Variants in GPC5 observed in about 807,000 individuals in gnomAD.
GPC5 encodes glypican 5.
A neutral mutation model predicts 53.9 loss-of-function variants in GPC5; 47 were observed. The ratio of observed to expected loss-of-function variants is 0.87; its 90% CI spans 0.69 to 1.11. The LOEUF (loss-of-function observed/expected upper bound fraction) is 1.11, where lower values mean the gene tolerates loss of function less well. GPC5 is among the 50% of genes most tolerant of loss of function. The pLI, the probability that GPC5 is intolerant of heterozygous loss-of-function variation, is 0.00. For missense variants in GPC5, 748 were observed against 713.1 expected, an observed-to-expected ratio of 1.05 and a Z score of -0.56; for synonymous variants, 286 against 263.3, an observed-to-expected ratio of 1.09 and a Z score of -0.84.
intron 7 of GPC5, among the ~76,000 whole-genome samples, chr13:92,481,263 G>A (rs1879345129): frequency 1.3e-5 from 2 of 151,932 alleles, no homozygotes; most frequent in Admixed American, 1.3e-4. Context: ...ACCATGCCCA[G>A]CTAATGTTTT....
At chr13:91,673,374 A>C (rs2035296867) in intron 2 of GPC5, among the ~76,000 whole-genome samples, 1 of 152,182 alleles carries the variant, frequency 6.6e-6, no homozygotes, top group South Asian at 2.1e-4. Context: ...GTGACTAAAT[A>C]TTATTTTGTG....
intron 3 of GPC5, among the ~76,000 whole-genome samples, chr13:91,712,832 T>G (rs1329600648): frequency 6.6e-6 from 1 of 152,020 alleles, no homozygotes; most frequent in Non-Finnish European, 1.5e-5. Flanking sequence ...CTTAGAATTA[T>G]TAAGCCTGTT....
chr13:92,475,534 A>T (rs1201404186), intron 7 of GPC5, among the ~76,000 whole-genome samples: 1 of 151,098 alleles, frequency 6.6e-6, no homozygotes, highest in Non-Finnish European at 1.5e-5. Flanking sequence ...AATGCTTGTG[A>T]TTTTTGTACA....
chr13:92,476,983 G>A (rs4362256), intron 7 of GPC5, among the ~76,000 whole-genome samples: 90,891 of 147,124 alleles, frequency 0.62, 29,318 homozygotes, highest in East Asian at 0.89. Flanking sequence ...AGCATGGCAC[G>A]TGTATACATA....
chr13:92,643,298 C>A (rs1885655144), intron 7 of GPC5, among the ~76,000 whole-genome samples: 1 of 152,156 alleles, frequency 6.6e-6, no homozygotes, highest in African/African-American at 2.4e-5. Flanking sequence ...AAGTCCTTGC[C>A]CATGCCTATG....
chr13:92,037,024 GT>G (rs1205406915), intron 6 of GPC5, among the ~76,000 whole-genome samples: 1 of 152,130 alleles, frequency 6.6e-6, no homozygotes, highest in Non-Finnish European at 1.5e-5. Flanking sequence ...TTTTAAAAAT[GT>G]AATTCAATTC....
intron 7 of GPC5, among the ~76,000 whole-genome samples, chr13:92,246,960 G>T (rs1293053014): frequency 6.6e-6 from 1 of 152,044 alleles, no homozygotes; most frequent in African/African-American, 2.4e-5. Flanking sequence ...TTGTGTAGTA[G>T]AAATATTTCT....
At chr13:92,253,192 G>A (rs746242701) in intron 7 of GPC5, among the ~76,000 whole-genome samples, 6 of 152,120 alleles carry the variant, frequency 3.9e-5, no homozygotes, top group Non-Finnish European at 8.8e-5. Context: ...TTTTCTTGTA[G>A]TAATTTATGT....
At chr13:91,992,285 A>G (rs1400192481) in intron 6 of GPC5, among the ~76,000 whole-genome samples, 1 of 152,046 alleles carries the variant, frequency 6.6e-6, no homozygotes, top group African/African-American at 2.4e-5. Flanking sequence ...CTCCCACCTC[A>G]GCCGCCAAAA....
intron 7 of GPC5, among the ~76,000 whole-genome samples, chr13:92,332,131 GATA>G (rs1218232224): frequency 3.3e-5 from 5 of 152,104 alleles, no homozygotes; most frequent in Non-Finnish European, 7.3e-5. Context: ...TGTCTTTGGT[GATA>G]ATAACTTTGA....
chr13:91,482,864 GTT>G lies in GPC5; in HGVS notation c.325+33955_325+33956del, dbSNP rs111997854. 8.6e-4 allele frequency among the ~76,000 whole-genome samples: 123 copies of G among 142,312 alleles called. 1 individual carries two copies. Among genetic ancestry groups the G allele is most frequent in the African/African-American group, 2.8e-3 (109 of 39,328 alleles). 93.4% of individuals were successfully genotyped at this position (142,312 alleles called of 152,430 possible). ...GTGACTCTTGCATATGAGAATGCAG[GTT>G]TTTTTTTTTTTTGCCATATCCATTA... is the stretch of plus-strand genomic sequence containing the variant. On this transcript the variant is annotated intron_variant, in intron 2 of 7. Transcript: ENST00000377067.
chr13:91,553,384 A>T (rs1232326405), intron 2 of GPC5, among the ~76,000 whole-genome samples: 1 of 137,972 alleles, frequency 7.2e-6, no homozygotes, highest in Non-Finnish European at 1.6e-5. Flanking sequence ...AGAATATATT[A>T]AATTTATACT....
chr13:91,911,326 C>A (rs2039608213), intron 6 of GPC5, among the ~76,000 whole-genome samples: 1 of 151,982 alleles, frequency 6.6e-6, no homozygotes, highest in African/African-American at 2.4e-5. Context: ...GGTGGATCAC[C>A]TGAAGTCAGG....
intron 5 of GPC5, among the ~76,000 whole-genome samples, chr13:91,758,212 A>G (rs1321006490): frequency 6.6e-6 from 1 of 152,040 alleles, no homozygotes; most frequent in African/African-American, 2.4e-5. Flanking sequence ...GCATTCTCAT[A>G]CTTTGAGTTC....
intron 2 of GPC5, among the ~76,000 whole-genome samples, chr13:91,612,935 G>A (rs1452841223): frequency 1.3e-5 from 2 of 152,142 alleles, no homozygotes; most frequent in Non-Finnish European, 2.9e-5. Flanking sequence ...ACAAGGCAAA[G>A]GGGCAAGTCC....
At chr13:92,265,426 A>G (rs1437741471) in intron 7 of GPC5, among the ~76,000 whole-genome samples, 1 of 152,120 alleles carries the variant, frequency 6.6e-6, no homozygotes, top group Non-Finnish European at 1.5e-5. Context: ...TAGCCAAATT[A>G]TTTGCCACTT....
At chr13:92,167,791 CTGT>C (rs2042042254) in intron 7 of GPC5, among the ~76,000 whole-genome samples, 1 of 151,402 alleles carries the variant, frequency 6.6e-6, no homozygotes, top group African/African-American at 2.4e-5. Flanking sequence ...AAAAGGTCAT[CTGT>C]TGTTTAACAA....
At chr13:92,198,694 T>C (rs147601419) in intron 7 of GPC5, among the ~76,000 whole-genome samples, 1,892 of 152,312 alleles carry the variant, frequency 0.012, 23 homozygotes, top group South Asian at 0.023. Flanking sequence ...ATTGACCTGA[T>C]ACATTTTCAC....
At chr13:91,795,314 A>G (rs2038029512) in intron 5 of GPC5, among the ~76,000 whole-genome samples, 1 of 152,230 alleles carries the variant, frequency 6.6e-6, no homozygotes, top group Admixed American at 6.5e-5. Context: ...CATGCACTTT[A>G]AAAAAGTGAA....
Sources: gnomAD v4.1 joint callset for allele counts (sites outside exome capture counted in the v4.1 genomes callset) on GRCh38, gnomAD v4.1.1 for gene constraint, MANE v1.5 for transcripts, NCBI Gene and HGNC (gene_info 2026-07-23, HGNC 2026-07-21) for gene names.